Variants in TRIM44 observed in about 807,000 individuals in gnomAD.
TRIM44 encodes the protein tripartite motif-containing protein 44.
TRIM44 carries 13 observed loss-of-function variants against 37.4 expected under a neutral mutation model. The observed-to-expected ratio is 0.35, with a 90% CI of 0.23 to 0.55. The LOEUF (loss-of-function observed/expected upper bound fraction) is 0.55. TRIM44 is among the 20% of genes least tolerant of loss of function. The probability of loss-of-function intolerance (pLI) is 0.89; values close to 1 mark genes in which losing one functional copy is unlikely to be tolerated. For missense variants in TRIM44, 426 were observed against 437.2 expected, an observed-to-expected ratio of 0.97 and a Z score of 0.23; for synonymous variants, 175 against 157.2, an observed-to-expected ratio of 1.11 and a Z score of -0.85.
At position 35,781,518 on chromosome 11, in the gene TRIM44, A is replaced by T. The variant is rs578220382; in HGVS notation, c.1008-24840A>T. 4.6e-5 allele frequency among the ~76,000 whole-genome samples: 7 copies of T among 152,238 alleles called. No individual in the cohort carries two copies. In the East Asian group the frequency reaches 1.4e-3, roughly 29 times the overall value. ...CTCACTGTATTCAGGGATGGTCAGG[A>T]TCCAGATATGCCAGAGTCAGTGGGA... On this transcript the variant is annotated intron_variant, in intron 4 of 4. Transcript: ENST00000299413.
At position 35,806,342 on chromosome 11, in the gene TRIM44, T is replaced by C. The variant is rs774894526; in HGVS notation, c.1008-16T>C. On this transcript the variant is annotated splice_polypyrimidine_tract_variant and intron_variant, in intron 4 of 4. Coordinates refer to ENST00000299413, the MANE Select transcript of TRIM44 (RefSeq NM_017583.6). ...TGTGATATCTTAACTCACCTGGTTCTCCTTTTCCTTTGTAGTGGTGCCAGT... is the reference window on the plus strand; with the variant it reads ...TGTGATATCTTAACTCACCTGGTTCCCCTTTTCCTTTGTAGTGGTGCCAGT... 4.3e-6 allele frequency: 7 copies of C among 1,613,506 alleles called. No individual in the cohort carries two copies. The Admixed American group carries it at 5.0e-5, about 12-fold the overall frequency.
At chr11:35,798,929 A>T (rs1039260307) in intron 4 of TRIM44, among the ~76,000 whole-genome samples, 1 of 152,012 alleles carries the variant, frequency 6.6e-6, no homozygotes, top group Non-Finnish European at 1.5e-5. Context: ...ACATAATGGA[A>T]TTTTTTTTCT....
intron 4 of TRIM44, among the ~76,000 whole-genome samples, chr11:35,775,625 C>T (rs1852946148): frequency 6.6e-6 from 1 of 152,062 alleles, no homozygotes; most frequent in South Asian, 2.1e-4. Flanking sequence ...ATAGCTCTTA[C>T]CATTTTGAGA....
chr11:35,707,100 G>A (rs1283009685), intron 2 of TRIM44, among the ~76,000 whole-genome samples: 1 of 152,092 alleles, frequency 6.6e-6, no homozygotes, highest in African/African-American at 2.4e-5. Flanking sequence ...AAAATCACAC[G>A]CATTCTTATA....
At chr11:35,771,943 G>A (rs1852878511) in intron 4 of TRIM44, among the ~76,000 whole-genome samples, 1 of 152,108 alleles carries the variant, frequency 6.6e-6, no homozygotes, top group South Asian at 2.1e-4. Flanking sequence ...TTCACAGCAG[G>A]GCCTCCCATC....
chr11:35,778,290 G>T (rs772647855), intron 4 of TRIM44, among the ~76,000 whole-genome samples: 6 of 152,088 alleles, frequency 3.9e-5, no homozygotes, highest in Non-Finnish European at 7.3e-5. Flanking sequence ...TTTTCGTGCC[G>T]TGGTTTTCAG....
intron 1 of TRIM44, among the ~76,000 whole-genome samples, chr11:35,667,707 G>GT (rs1851347934): frequency 6.6e-6 from 1 of 152,064 alleles, no homozygotes; most frequent in African/African-American, 2.4e-5. Flanking sequence ...TCAGGTGTGT[G>GT]TTTCTGCAAA....
At chr11:35,781,631 A>G (rs1853066891) in intron 4 of TRIM44, among the ~76,000 whole-genome samples, 1 of 152,238 alleles carries the variant, frequency 6.6e-6, no homozygotes, top group African/African-American at 2.4e-5. Flanking sequence ...TTAGTGCCAA[A>G]TGGGACTTTT....
intron 4 of TRIM44, among the ~76,000 whole-genome samples, chr11:35,737,758 C>T (rs535984949): frequency 1.4e-4 from 22 of 152,044 alleles, no homozygotes; most frequent in African/African-American, 4.6e-4. Flanking sequence ...ATTGCCTGAA[C>T]CTGGGAGGCA....
At chr11:35,766,667 C>T (rs1420943826) in intron 4 of TRIM44, among the ~76,000 whole-genome samples, 3 of 152,184 alleles carry the variant, frequency 2.0e-5, no homozygotes, top group South Asian at 4.1e-4. Flanking sequence ...GCTTTGGCCT[C>T]GGCAGGCCGG....
At chr11:35,705,760 G>T (rs951650944) in intron 2 of TRIM44, among the ~76,000 whole-genome samples, 2 of 147,098 alleles carry the variant, frequency 1.4e-5, no homozygotes, top group African/African-American at 2.4e-5. Flanking sequence ...CACATTCAAA[G>T]CAGTGTGTAG....
At chr11:35,773,160 C>A (rs1032381513) in intron 4 of TRIM44, among the ~76,000 whole-genome samples, 9 of 152,164 alleles carry the variant, frequency 5.9e-5, no homozygotes, top group Admixed American at 4.6e-4. Context: ...TTGCCTCCCG[C>A]CATGATTCTG....
chr11:35,663,341 G>T lies in TRIM44; in HGVS notation c.230G>T (p.Gly77Val). Residue 77 changes from glycine to valine, a missense_variant, in exon 1 of 5, where the codon GGG becomes GTG. By Grantham distance (109) the Gly-to-Val change is moderately radical. Coordinates refer to ENST00000299413, the MANE Select transcript of TRIM44 (RefSeq NM_017583.6). Reference sequence around the variant, plus strand: ...CCGCCAGCTGACGGAGAGGGGGCGGGGAAGGAAGAAGCGGAGGTCAAGGTG... The same window carrying T: ...CCGCCAGCTGACGGAGAGGGGGCGGTGAAGGAAGAAGCGGAGGTCAAGGTG... ...WTPPADGEGA[G>V]KEEAEVKVEQ... The T allele has an allele frequency of 6.2e-7, 1 of 1,614,022 alleles. No homozygotes were observed. The highest frequency in any genetic ancestry group is 8.5e-7 in the Non-Finnish European group (1 of 1,179,986).
intron 2 of TRIM44, among the ~76,000 whole-genome samples, chr11:35,708,946 T>G (rs1656183496): frequency 6.7e-6 from 1 of 148,848 alleles, no homozygotes; most frequent in South Asian, 2.1e-4. Flanking sequence ...GAAAACACAT[T>G]AAAATAAATA....
At chr11:35,699,791 C>A (rs1376763889) in intron 2 of TRIM44, among the ~76,000 whole-genome samples, 1 of 151,938 alleles carries the variant, frequency 6.6e-6, no homozygotes, top group Admixed American at 6.6e-5. Flanking sequence ...AAATCACAAG[C>A]ATTCTTATAC....
At position 35,731,401 on chromosome 11, in the gene TRIM44, T is replaced by G. The variant is rs199600379; in HGVS notation, c.988-4025T>G. On this transcript the variant is annotated intron_variant, in intron 3 of 4. Coordinates refer to ENST00000299413, the MANE Select transcript of TRIM44 (RefSeq NM_017583.6). ...ATCATGTTGGTTAATTTTACAATAT[T>G]AAACTAACCTTGCATTTCTGAGATA... is the stretch of plus-strand genomic sequence containing the variant. 2.0e-5 allele frequency among the ~76,000 whole-genome samples: 3 copies of G among 152,212 alleles called. No homozygotes were observed. The East Asian group carries it at 5.8e-4, about 29-fold the overall frequency.
At chr11:35,786,756 AAC>A (rs1463144968) in intron 4 of TRIM44, among the ~76,000 whole-genome samples, 1 of 152,168 alleles carries the variant, frequency 6.6e-6, no homozygotes, top group African/African-American at 2.4e-5. Context: ...TTTTTTAAAA[AAC>A]ACAGTAATTT....
At chr11:35,770,200 T>G (rs2133865249) in intron 4 of TRIM44, among the ~76,000 whole-genome samples, 1 of 152,354 alleles carries the variant, frequency 6.6e-6, no homozygotes, top group South Asian at 2.1e-4. Flanking sequence ...GATAATGACC[T>G]TCAGCTGTAT....
At chr11:35,710,521 A>G (rs1851956275) in intron 2 of TRIM44, among the ~76,000 whole-genome samples, 2 of 152,220 alleles carry the variant, frequency 1.3e-5, no homozygotes, top group Admixed American at 1.3e-4. Context: ...AATCCCAAAG[A>G]GGTAGCTTTG....
Sources: gnomAD v4.1 joint callset for allele counts (sites outside exome capture counted in the v4.1 genomes callset) on GRCh38, gnomAD v4.1.1 for gene constraint, MANE v1.5 for transcripts, NCBI Gene and HGNC (gene_info 2026-07-23, HGNC 2026-07-21) for gene names.